RFX3: variants seen among roughly 807,000 people sequenced by gnomAD.
The protein encoded by RFX3 is regulatory factor X3.
A neutral mutation model predicts 98.6 loss-of-function variants in RFX3; 14 were observed. The observed-to-expected ratio is 0.14, with a 90% CI of 0.09 to 0.22. The LOEUF (loss-of-function observed/expected upper bound fraction) is 0.22. RFX3 is among the 10% of genes least tolerant of loss of function. RFX3 has a pLI of 1.00. For synonymous variants in RFX3, 383 were observed against 328.4 expected, an observed-to-expected ratio of 1.17 and a Z score of -1.80; for missense variants, 639 against 926.9, an observed-to-expected ratio of 0.69 and a Z score of 4.03.
At chr9:3,238,589 T>C (rs752295066) in intron 15 of RFX3, among the ~76,000 whole-genome samples, 26 of 152,192 alleles carry the variant, frequency 1.7e-4, no homozygotes, top group Non-Finnish European at 3.1e-4. Context: ...ATCAGGAAGA[T>C]TGTTCACACG....
At chr9:3,238,207 A>C (rs1385814118) in intron 15 of RFX3, among the ~76,000 whole-genome samples, 1 of 152,220 alleles carries the variant, frequency 6.6e-6, no homozygotes, top group Non-Finnish European at 1.5e-5. Context: ...TGGTGATTTT[A>C]AAATGAAATA....
intron 15 of RFX3, among the ~76,000 whole-genome samples, chr9:3,237,163 T>G (rs1029920073): frequency 1.8e-4 from 27 of 152,352 alleles, no homozygotes; most frequent in African/African-American, 6.5e-4. Flanking sequence ...TAGAACTAAT[T>G]ATGTTTATGC....
chr9:3,219,270 T>G lies in RFX3; in HGVS notation c.*5772A>C, dbSNP rs1421995517. ...GATCGTTTCTTCAAAAATACTAATT[T>G]ACTGAAGGAAAAATTTACTTGGTTA... On this transcript the variant is annotated 3_prime_UTR_variant, in exon 17 of 17. Coordinates refer to ENST00000617270, the MANE Select transcript of RFX3 (RefSeq NM_001282116.2). 1 of 152,154 alleles carries G rather than the reference T, an allele frequency of 6.6e-6. No individual in the cohort carries two copies. Among genetic ancestry groups the G allele is most frequent in the African/African-American group, 2.4e-5 (1 of 41,438 alleles). 9.4% of individuals were successfully genotyped at this position (152,154 alleles called of 1,614,324 possible).
chr9:3,463,147 G>A (rs936633814), intron 1 of RFX3, among the ~76,000 whole-genome samples: 1 of 151,984 alleles, frequency 6.6e-6, no homozygotes, highest in Non-Finnish European at 1.5e-5. Flanking sequence ...AAGACTTTGA[G>A]CTACAATAAT....
intron 7 of RFX3, among the ~76,000 whole-genome samples, chr9:3,278,139 A>G (rs554205181): frequency 6.6e-6 from 1 of 152,040 alleles, no homozygotes; most frequent in East Asian, 1.9e-4. Flanking sequence ...AAACTTATGT[A>G]TTTTCCATAC....
chr9:3,242,757 T>C (rs1820127113), intron 15 of RFX3, among the ~76,000 whole-genome samples: 1 of 152,094 alleles, frequency 6.6e-6, no homozygotes, highest in Non-Finnish European at 1.5e-5. Flanking sequence ...ATCCAAGACA[T>C]TTTTCTTTTG....
intron 1 of RFX3, among the ~76,000 whole-genome samples, chr9:3,473,139 C>G (rs578175967): frequency 6.6e-6 from 1 of 152,160 alleles, no homozygotes; most frequent in Non-Finnish European, 1.5e-5. Flanking sequence ...TAGGCAAACA[C>G]TTCACCTGTG....
chr9:3,420,123 T>C (rs567045835), intron 1 of RFX3, among the ~76,000 whole-genome samples: 1 of 152,184 alleles, frequency 6.6e-6, no homozygotes, highest in Non-Finnish European at 1.5e-5. Flanking sequence ...CCTCCGACCA[T>C]CCTTCAGTGA....
chr9:3,404,648 A>T (rs1841798917), intron 1 of RFX3, among the ~76,000 whole-genome samples: 1 of 152,158 alleles, frequency 6.6e-6, no homozygotes, highest in African/African-American at 2.4e-5. Context: ...AACTAGGTTT[A>T]TTATAATGCT....
At chr9:3,358,545 T>A (rs1037258400) in intron 2 of RFX3, among the ~76,000 whole-genome samples, 1 of 152,090 alleles carries the variant, frequency 6.6e-6, no homozygotes, top group African/African-American at 2.4e-5. Context: ...AACGTAAAAA[T>A]AGGGCATAAT....
At position 3,241,587 on chromosome 9, in the gene RFX3, G is replaced by C. The variant is rs560731220; in HGVS notation, c.1968+6445C>G. Among the ~76,000 whole-genome samples, 146 of 152,158 alleles carry C rather than the reference G, an allele frequency of 9.6e-4. 1 individual carries two copies. Among genetic ancestry groups the C allele is most frequent in the Non-Finnish European group, 1.1e-3 (77 of 68,020 alleles). On this transcript the variant is annotated intron_variant, in intron 15 of 16. Coordinates refer to ENST00000617270, the MANE Select transcript of RFX3 (RefSeq NM_001282116.2). ...AACCAGGAACAAGGAAGAAAAAATG[G>C]GACACGGAGCCAATTCTCTGGAACT...
chr9:3,448,838 C>A (rs950115290), intron 1 of RFX3, among the ~76,000 whole-genome samples: 1 of 152,288 alleles, frequency 6.6e-6, no homozygotes, highest in South Asian at 2.1e-4. Flanking sequence ...CATTTTTAAA[C>A]TGCAATAAAC....
At chr9:3,338,432 T>A (rs1833455409) in intron 3 of RFX3, among the ~76,000 whole-genome samples, 2 of 152,242 alleles carry the variant, frequency 1.3e-5, no homozygotes, top group South Asian at 2.1e-4. Flanking sequence ...TTACTATGTA[T>A]GTTGACAATG....
intron 7 of RFX3, among the ~76,000 whole-genome samples, chr9:3,283,464 A>G (rs921571457): frequency 6.6e-6 from 1 of 151,734 alleles, no homozygotes; most frequent in Non-Finnish European, 1.5e-5. Context: ...AGAAGTGCCT[A>G]TGTAGCCTGT....
chr9:3,487,174 A>T (rs922438317), intron 1 of RFX3, among the ~76,000 whole-genome samples: 7 of 152,160 alleles, frequency 4.6e-5, no homozygotes, highest in African/African-American at 1.7e-4. Context: ...TCAAAGTTCT[A>T]TAAACAGACA....
intron 6 of RFX3, among the ~76,000 whole-genome samples, chr9:3,290,122 A>G (rs1827149786): frequency 6.6e-6 from 1 of 151,264 alleles, no homozygotes; most frequent in Non-Finnish European, 1.5e-5. Flanking sequence ...ATTTCTTTAA[A>G]CTCCCTCCAT....
chr9:3,303,492 T>C (rs1828907948), intron 4 of RFX3, among the ~76,000 whole-genome samples: 1 of 151,926 alleles, frequency 6.6e-6, no homozygotes, highest in South Asian at 2.1e-4. Context: ...CTAGTAAATA[T>C]AAATAAAATG....
chr9:3,336,305 G>C (rs115661039), intron 3 of RFX3, among the ~76,000 whole-genome samples: 1 of 151,978 alleles, frequency 6.6e-6, no homozygotes, highest in African/African-American at 2.4e-5. Flanking sequence ...ACACAGACAT[G>C]ACCTCTACTA....
chr9:3,272,269 C>A (rs556390965), intron 9 of RFX3, among the ~76,000 whole-genome samples: 2 of 152,190 alleles, frequency 1.3e-5, no homozygotes, highest in East Asian at 3.9e-4. Context: ...GGTAAAACAG[C>A]CCCACAAAGA....
Sources: gnomAD v4.1 joint callset for allele counts (sites outside exome capture counted in the v4.1 genomes callset) on GRCh38, gnomAD v4.1.1 for gene constraint, MANE v1.5 for transcripts, NCBI Gene and HGNC (gene_info 2026-07-23, HGNC 2026-07-21) for gene names.